TUBGCP3: variants seen among roughly 807,000 people sequenced by gnomAD.
TUBGCP3 encodes tubulin gamma complex component 3, also known as gamma-tubulin complex component 3.
A neutral mutation model predicts 123.1 loss-of-function variants in TUBGCP3; 50 were observed. The ratio of observed to expected loss-of-function variants is 0.41; its 90% CI spans 0.32 to 0.51. TUBGCP3 has a LOEUF of 0.51. TUBGCP3 is among the 20% of genes least tolerant of loss of function. The pLI is 0.36. For synonymous variants in TUBGCP3, 405 were observed against 413.9 expected, an observed-to-expected ratio of 0.98 and a Z score of 0.26; for missense variants, 882 against 1,127.0, an observed-to-expected ratio of 0.78 and a Z score of 3.11.
chr13:112,536,644 T>C (rs555680626), intron 11 of TUBGCP3, among the ~76,000 whole-genome samples: 3 of 152,368 alleles, frequency 2.0e-5, no homozygotes, highest in African/African-American at 7.2e-5. Flanking sequence ...TGAGCTTGTA[T>C]CCTGCCAATG....
intron 12 of TUBGCP3, among the ~76,000 whole-genome samples, 154 bp from the exon 13 acceptor site, chr13:112,527,204 A>G (rs1877206811): frequency 2.0e-5 from 3 of 152,270 alleles, no homozygotes; most frequent in Non-Finnish European, 4.4e-5. Flanking sequence ...TCAAAGATAT[A>G]TTGAACACAT....
intron 11 of TUBGCP3, among the ~76,000 whole-genome samples, chr13:112,534,215 G>A (rs1231379211): frequency 6.6e-6 from 1 of 152,202 alleles, no homozygotes; most frequent in African/African-American, 2.4e-5. Flanking sequence ...GAAACACCGC[G>A]GGGCTTTGGA....
chr13:112,526,806 T>A (rs1339887729), intron 13 of TUBGCP3, 136 bp downstream of exon 13: 2 of 653,198 alleles, frequency 3.1e-6, no homozygotes, highest in Non-Finnish European at 5.3e-6. Context: ...TATCATCACA[T>A]CACCATCATC....
intron 3 of TUBGCP3, among the ~76,000 whole-genome samples, chr13:112,562,535 G>A (rs1473464436): frequency 6.6e-6 from 1 of 152,202 alleles, no homozygotes; most frequent in African/African-American, 2.4e-5. Context: ...TCACCCTGGA[G>A]CTTAAGCCAG....
intron 1 of TUBGCP3, among the ~76,000 whole-genome samples, chr13:112,577,543 C>T (rs1881916523): frequency 6.6e-6 from 1 of 151,970 alleles, no homozygotes; most frequent in African/African-American, 2.4e-5. Flanking sequence ...ATGTAACATT[C>T]CTAGAGGGAG....
chr13:112,601,397 A>C, the TUBGCP3 span, among the ~76,000 whole-genome samples: 1 of 152,054 alleles, frequency 6.6e-6, no homozygotes, highest in Non-Finnish European at 1.5e-5. Flanking sequence ...AAATTGGTTT[A>C]GTGTTCTCAT....
At chr13:112,495,939 A>C (rs959881439) in intron 20 of TUBGCP3, among the ~76,000 whole-genome samples, 9 of 152,166 alleles carry the variant, frequency 5.9e-5, no homozygotes, top group Non-Finnish European at 1.2e-4. Flanking sequence ...TTGGCAAAAA[A>C]TTTTTAAAAA....
At chr13:112,520,095 TTAAAAG>T in intron 14 of TUBGCP3, 74 bp from the exon 15 acceptor site, 1 of 1,419,054 alleles carries the variant, frequency 7.0e-7, no homozygotes. Context: ...GTATAAACTA[TTAAAAG>T]TAAGAGTTCA....
chr13:112,536,791 T>G (rs1878092751), intron 11 of TUBGCP3, among the ~76,000 whole-genome samples: 1 of 152,086 alleles, frequency 6.6e-6, no homozygotes, highest in African/African-American at 2.4e-5. Flanking sequence ...TTTACTTTTT[T>G]TTGGAGACAT....
At chr13:112,585,760 T>C (rs557988740) in intron 1 of TUBGCP3, among the ~76,000 whole-genome samples, 2 of 151,744 alleles carry the variant, frequency 1.3e-5, no homozygotes, top group Admixed American at 1.3e-4. Flanking sequence ...AGAGCAAGAC[T>C]CCATCTCAAA....
intron 11 of TUBGCP3, among the ~76,000 whole-genome samples, chr13:112,531,234 C>A (rs1877545404): frequency 6.6e-6 from 1 of 152,180 alleles, no homozygotes; most frequent in Non-Finnish European, 1.5e-5. Context: ...TTTTTATGAC[C>A]ATAGGGAAGA....
At chr13:112,562,132 ATAGGGAACACCACCAGCCAGGACCCAC>A (rs1880561939) in intron 3 of TUBGCP3, among the ~76,000 whole-genome samples, 5 of 70,558 alleles carry the variant, frequency 7.1e-5, no homozygotes, top group African/African-American at 1.4e-4. Context: ...CCAGGACCCA[ATAGGGAACACCACCAGCCAGGACCCAC>A]TAGGGAACAC....
intron 20 of TUBGCP3, among the ~76,000 whole-genome samples, chr13:112,491,128 CTTT>C (rs770960425): frequency 1.3e-5 from 2 of 152,196 alleles, no homozygotes; most frequent in African/African-American, 4.8e-5. Context: ...TTATTAACTT[CTTT>C]GTTTCCGATT....
chr13:112,523,306 T>C (rs1876776620), intron 13 of TUBGCP3, among the ~76,000 whole-genome samples: 1 of 152,226 alleles, frequency 6.6e-6, no homozygotes, highest in African/African-American at 2.4e-5. Flanking sequence ...GATCTTCTGA[T>C]TCAGAGTTTA....
At chr13:112,490,108 G>T (rs113146628) in intron 20 of TUBGCP3, among the ~76,000 whole-genome samples, 5 of 152,106 alleles carry the variant, frequency 3.3e-5, no homozygotes, top group African/African-American at 1.2e-4. Flanking sequence ...CTATTATCTT[G>T]ACTTTAGTGA....
chr13:112,567,966 A>G (rs566982017), intron 2 of TUBGCP3, among the ~76,000 whole-genome samples: 4 of 147,360 alleles, frequency 2.7e-5, no homozygotes, highest in Admixed American at 2.7e-4. Context: ...AGAAGGTGTT[A>G]TCACTAAGAC....
Position 112,489,598 on chromosome 13 carries a change from A to T in TUBGCP3, c.2548T>A (p.Leu850Met). 2 of 1,613,976 alleles carry T rather than the reference A, an allele frequency of 1.2e-6. No homozygotes were observed. The highest frequency in any genetic ancestry group is 1.7e-6 in the Non-Finnish European group (2 of 1,179,782). The change falls in exon 21 of 22, where the codon TTG (leucine) becomes ATG (methionine). Residue 850 changes from leucine to methionine, a missense_variant. Leu to Met is a conservative substitution (Grantham distance 15). Transcript: ENST00000261965. Reference sequence around the variant, plus strand: ...ATACACACCTGGTAGAAATGGGTCAATATTCGCAACTGTGAGCACATTTTT... The same window carrying T: ...ATACACACCTGGTAGAAATGGGTCATTATTCGCAACTGTGAGCACATTTTT... ...IPKMCSQLRI[L>M]THFYQGIVQQ...
At chr13:112,520,148 A>G (rs1218462402) in intron 14 of TUBGCP3, 127 bp from the exon 15 acceptor site, 3 of 795,442 alleles carry the variant, frequency 3.8e-6, no homozygotes, top group Non-Finnish European at 3.7e-6. Context: ...GGACCAATAC[A>G]ATAATGCGGC....
chr13:112,595,228 G>A, the TUBGCP3 span, among the ~76,000 whole-genome samples: 6 of 149,884 alleles, frequency 4.0e-5, no homozygotes, highest in African/African-American at 9.9e-5. Flanking sequence ...ACAGAGTCTC[G>A]CTCTGTCACC....
Sources: allele counts gnomAD v4.1 joint callset (sites outside exome capture counted in the v4.1 genomes callset), GRCh38; gene constraint gnomAD v4.1.1; transcripts MANE v1.5; gene names NCBI Gene and HGNC (gene_info 2026-07-23, HGNC 2026-07-21).